NFATC1: variants seen among roughly 807,000 people sequenced by gnomAD.
NFATC1 encodes the protein nuclear factor of activated T cells 1, also known as nuclear factor of activated T-cells, cytoplasmic 1.
In NFATC1, 22 loss-of-function variants were observed where a neutral mutation model predicts 76.0. The ratio of observed to expected loss-of-function variants is 0.29; its 90% CI spans 0.21 to 0.41. NFATC1 has a LOEUF of 0.41. Ranked by LOEUF, NFATC1 falls within the 10% of genes least tolerant of loss-of-function variation. The pLI, the probability that NFATC1 is intolerant of heterozygous loss-of-function variation, is 1.00. For synonymous variants in NFATC1, 704 were observed against 613.1 expected (o/e 1.15, Z -2.19); for missense variants, 1,357 against 1,337.7 (o/e 1.01, Z -0.23).
At position 79,448,922 on chromosome 18, in the gene NFATC1, C is replaced by T. The variant is rs25657; in HGVS notation, c.1527C>T (p.Ala509=). 116,174 of 1,613,698 alleles carry T rather than the reference C, an allele frequency of 0.072. 4,469 individuals carry two copies. Among genetic ancestry groups the T allele is most frequent in the South Asian group, 0.11 (9,708 of 91,078 alleles). ...CCGTGTCCACCACCAGCCACGAGGCCATCCTCTCCAACACCAAAGTCCTGG... is the reference window on the plus strand; with the variant it reads ...CCGTGTCCACCACCAGCCACGAGGCTATCCTCTCCAACACCAAAGTCCTGG... ...GKTVSTTSHE[A]ILSNTKVLEI... is the part of the protein sequence containing the mutation. Residue 509 remains alanine, a synonymous_variant, in exon 4 of 10, where the codon GCC becomes GCT. Coordinates refer to ENST00000427363, the MANE Select transcript of NFATC1 (RefSeq NM_001278669.2).
chr18:79,464,682 G>GTGTATATATATA (rs1555911954), intron 7 of NFATC1, among the ~76,000 whole-genome samples: 1 of 100,788 alleles, frequency 9.9e-6, no homozygotes, highest in African/African-American at 4.6e-5. Context: ...ATATGTATGT[G>GTGTATATATATA]TATATATATA....
intron 7 of NFATC1, among the ~76,000 whole-genome samples, chr18:79,463,062 C>T (rs1051387971): frequency 6.6e-6 from 1 of 152,224 alleles, no homozygotes; most frequent in Non-Finnish European, 1.5e-5. Flanking sequence ...TTCCACCCTG[C>T]GACTTCAGCG....
intron 6 of NFATC1, 92 bp from the exon 7 acceptor site, chr18:79,461,219 T>C: frequency 6.7e-7 from 1 of 1,485,706 alleles, no homozygotes; most frequent in Non-Finnish European, 9.4e-7. Flanking sequence ...CCCTCCTGGC[T>C]CAGGGCCCTG....
chr18:79,411,586 G>A lies in NFATC1; in HGVS notation c.1226+85G>A, dbSNP rs1275298852. ...CGCGGGGAGCGGGACGGGGGGCGGC[G>A]CGGGGCGGCCGTGTCTGGGGACGAG... On this transcript the variant is annotated intron_variant, in intron 2 of 9. Coordinates refer to ENST00000427363, the MANE Select transcript of NFATC1 (RefSeq NM_001278669.2). 2.4e-5 allele frequency: 26 copies of A among 1,065,436 alleles called. 1 individual carries two copies. The highest frequency in any genetic ancestry group is 7.8e-4 in the Middle Eastern group (2 of 2,572). 66.0% of individuals were successfully genotyped at this position (1,065,436 alleles called of 1,614,324 possible).
intron 1 of NFATC1, among the ~76,000 whole-genome samples, chr18:79,406,213 G>T (rs1209258843): frequency 6.6e-6 from 1 of 152,230 alleles, no homozygotes; most frequent in African/African-American, 2.4e-5. Flanking sequence ...ACCAGCAAAT[G>T]GTAGTTCAGC....
In NFATC1 at chr18:79,451,833, G is replaced by A; in HGVS notation, c.1903+17G>A. On this transcript the variant is annotated intron_variant, in intron 6 of 9. Coordinates refer to ENST00000427363, the MANE Select transcript of NFATC1 (RefSeq NM_001278669.2). ...AAGCCCCAGGTATGCTCTTCACCAG[G>A]GGCCATCTGCGGCCTGGGCTTCGGC... 6.3e-7 allele frequency: 1 copy of A among 1,593,190 alleles called. No homozygotes were observed. Among genetic ancestry groups the A allele is most frequent in the Non-Finnish European group, 8.6e-7 (1 of 1,168,032 alleles).
At position 79,486,511 on chromosome 18, in the gene NFATC1, T is replaced by C. The variant is rs1194226692; in HGVS notation, c.2356T>C (p.Cys786Arg). The change falls in exon 9 of 10, where the codon TGT (cysteine) becomes CGT (arginine). Residue 786 changes from cysteine to arginine, a missense_variant. Around this residue, in one of 3 missense-constraint regions of NFATC1, gnomAD observed 424 missense variants for 395.4 expected, o/e 1.07. Coordinates refer to ENST00000427363, the MANE Select transcript of NFATC1 (RefSeq NM_001278669.2). ...CAAGGGCGTTGCCAGCCCGGGCCAC[T>C]GTCACCTCGGACTCCCGCAGCCGGC... is the stretch of plus-strand genomic sequence containing the variant. ...YTKGVASPGHCHLGLPQPAGE... is the reference protein window; with the variant it reads ...YTKGVASPGHRHLGLPQPAGE... 2 of 1,603,344 alleles carry C rather than the reference T, an allele frequency of 1.2e-6. No homozygotes were observed. The highest frequency in any genetic ancestry group is 1.7e-5 in the Admixed American group (1 of 59,888).
intron 1 of NFATC1, among the ~76,000 whole-genome samples, chr18:79,406,748 GCGCTCGACAAAAC>G (rs1166975542): frequency 3.9e-5 from 6 of 152,134 alleles, no homozygotes; most frequent in Admixed American, 3.9e-4. Context: ...CCGCAGGCCT[GCGCTCGACAAAAC>G]CCCCTCGTGG....
chr18:79,497,054 G>A (rs1012782345), intron 9 of NFATC1: 1 of 152,256 alleles, frequency 6.6e-6, no homozygotes, highest in Non-Finnish European at 1.5e-5. Context: ...TTTCCGCTCA[G>A]AACTCCTAAC....
At chr18:79,513,067 A>C (rs909046181) in intron 9 of NFATC1, among the ~76,000 whole-genome samples, 4 of 152,202 alleles carry the variant, frequency 2.6e-5, no homozygotes, top group African/African-American at 9.7e-5. Context: ...GCGCTTTAAA[A>C]ACGGTATCAC....
At chr18:79,518,452 G>T (rs914854482) in intron 9 of NFATC1, among the ~76,000 whole-genome samples, 11 of 152,220 alleles carry the variant, frequency 7.2e-5, no homozygotes, top group African/African-American at 2.7e-4. Flanking sequence ...GCCTGCTTGT[G>T]TTCTGATGGG....
chr18:79,520,967 G>T (rs758201260), intron 9 of NFATC1, among the ~76,000 whole-genome samples: 2 of 115,388 alleles, frequency 1.7e-5, no homozygotes, highest in Admixed American at 8.9e-5. Context: ...CTGTGTGTGG[G>T]GGGGCATCCG....
intron 3 of NFATC1, among the ~76,000 whole-genome samples, chr18:79,444,394 AG>A (rs2144735485): frequency 2.6e-5 from 4 of 152,254 alleles, no homozygotes; most frequent in African/African-American, 9.6e-5. Context: ...CCAGGACAAG[AG>A]GTGTGCGGCG....
At chr18:79,453,054 A>G (rs1352626804) in intron 6 of NFATC1, among the ~76,000 whole-genome samples, 1 of 152,234 alleles carries the variant, frequency 6.6e-6, no homozygotes, top group Admixed American at 6.5e-5. Context: ...TTTAAATTAC[A>G]GAGAAAACCA....
At chr18:79,402,637 C>T (rs1382866758) in intron 1 of NFATC1, among the ~76,000 whole-genome samples, 5 of 152,148 alleles carry the variant, frequency 3.3e-5, no homozygotes, top group East Asian at 1.9e-4. Flanking sequence ...GCAGGAGAGG[C>T]GAGAGCTGAG....
At chr18:79,456,932 GA>G (rs909857796) in intron 6 of NFATC1, among the ~76,000 whole-genome samples, 34 of 152,364 alleles carry the variant, frequency 2.2e-4, no homozygotes, top group African/African-American at 7.9e-4. Context: ...GTCACCTCCT[GA>G]AGATGTTGGA....
intron 9 of NFATC1, among the ~76,000 whole-genome samples, chr18:79,503,888 TTATGG>T (rs778487765): frequency 1.1e-4 from 17 of 152,342 alleles, no homozygotes; most frequent in Admixed American, 4.6e-4. Context: ...ATCTTTGCTT[TTATGG>T]TATGGAGATG....
At chr18:79,446,917 C>T (rs2087229576) in intron 3 of NFATC1, among the ~76,000 whole-genome samples, 1 of 152,214 alleles carries the variant, frequency 6.6e-6, no homozygotes, top group Non-Finnish European at 1.5e-5. Context: ...GTTTCAGACC[C>T]CAAACGCCCC....
chr18:79,420,807 G>T (rs2086063305), intron 2 of NFATC1: 1 of 152,194 alleles, frequency 6.6e-6, no homozygotes, highest in African/African-American at 2.4e-5. Flanking sequence ...CGCGTTTCCA[G>T]GTGACGTCGC....
Sources: gnomAD v4.1 joint callset for allele counts (sites outside exome capture counted in the v4.1 genomes callset) on GRCh38, gnomAD v4.1.1 for gene constraint, gnomAD v4.1.1 regional missense constraint, MANE v1.5 for transcripts, NCBI Gene and HGNC (gene_info 2026-07-23, HGNC 2026-07-21) for gene names.